Variants in ALMS1 observed in about 807,000 individuals in gnomAD.
The protein encoded by ALMS1 is ALMS1 centrosome and basal body associated protein.
ALMS1 carries 271 observed loss-of-function variants against 352.2 expected under a neutral mutation model. The observed-to-expected ratio is 0.77, with a 90% CI of 0.70 to 0.85. ALMS1 has a LOEUF of 0.85. ALMS1 is among the 40% of genes least tolerant of loss of function. The probability of loss-of-function intolerance (pLI) is 0.00; values close to 1 mark genes in which losing one functional copy is unlikely to be tolerated. For synonymous variants in ALMS1, 1,865 were observed against 1,761.2 expected (o/e 1.06, Z -1.48); for missense variants, 5,445 against 4,870.7 (o/e 1.12, Z -3.51).
At chr2:73,534,712 C>G in intron 11 of ALMS1, 112 bp from the exon 12 acceptor site, 1 of 1,135,994 alleles carries the variant, frequency 8.8e-7, no homozygotes, top group Non-Finnish European at 1.3e-6. Context: ...TTTGTTTACT[C>G]ATAAATTCCA....
chr2:73,503,490 G>T (rs1194457837), intron 10 of ALMS1, among the ~76,000 whole-genome samples: 1 of 152,084 alleles, frequency 6.6e-6, no homozygotes, highest in Admixed American at 6.6e-5. Context: ...TCTTAATCCA[G>T]TCTATCGTTG....
Position 73,490,567 on chromosome 2 carries a change from G to T in ALMS1, c.8608G>T (p.Val2870Leu). Residue 2870 changes from valine (V) to leucine (L), a missense_variant, in exon 10 of 23, where the codon GTA (valine) becomes TTA (leucine). Physicochemically the swap from Val to Leu is conservative, Grantham distance 32. Transcript: ENST00000613296. ...SSRLGVKEKN[V>L]TITPDLPSCI... ...CAGACTAGGAGTAAAAGAGAAGAAT[G>T]TAACTATAACTCCAGATCTTCCTTC... The T allele has an allele frequency of 1.9e-6, 3 of 1,614,140 alleles. No individual in the cohort carries two copies. Among genetic ancestry groups the T allele is most frequent in the African/African-American group, 1.3e-5 (1 of 75,038 alleles).
At chr2:73,390,580 G>C (rs1304247412) in intron 1 of ALMS1, among the ~76,000 whole-genome samples, 2 of 152,128 alleles carry the variant, frequency 1.3e-5, no homozygotes, top group Non-Finnish European at 2.9e-5. Flanking sequence ...TTTTAAGAGG[G>C]AAGTGAGTGA....
chr2:73,496,343 G>A (rs1371795904), intron 10 of ALMS1, among the ~76,000 whole-genome samples: 2 of 152,178 alleles, frequency 1.3e-5, no homozygotes, highest in Non-Finnish European at 2.9e-5. Flanking sequence ...CATAAAATAT[G>A]TAACAGCCTT....
chr2:73,586,659 A>G (rs1235197875), intron 16 of ALMS1, among the ~76,000 whole-genome samples: 1 of 152,132 alleles, frequency 6.6e-6, no homozygotes, highest in African/African-American at 2.4e-5. Context: ...CCCTTGTAGT[A>G]TAGTTTGAAG....
Position 73,448,791 on chromosome 2 carries a change from A to G in ALMS1, c.2264A>G (p.Glu755Gly), listed in dbSNP as rs867012463. The change falls in exon 8 of 23, where the codon GAG becomes GGG. Residue 755 changes from glutamate to glycine, a missense_variant. Glu to Gly is a moderately conservative substitution (Grantham distance 98). Coordinates refer to ENST00000613296, the MANE Select transcript of ALMS1 (RefSeq NM_001378454.1). ...CCTGGACCAGCTGACCAGAAGACTGAGATACCAGCAGTACAGTCTAGTTCT... is the reference window on the plus strand; with the variant it reads ...CCTGGACCAGCTGACCAGAAGACTGGGATACCAGCAGTACAGTCTAGTTCT... ...ATPGPADQKT[E>G]IPAVQSSSYS... 6.2e-7 allele frequency: 1 copy of G among 1,613,854 alleles called. No homozygotes were observed. Among genetic ancestry groups the G allele is most frequent in the East Asian group, 2.2e-5 (1 of 44,862 alleles).
intron 5 of ALMS1, among the ~76,000 whole-genome samples, chr2:73,426,084 A>T (rs899347803): frequency 6.6e-6 from 1 of 152,226 alleles, no homozygotes; most frequent in Admixed American, 6.5e-5. Context: ...AGAAGGTAGG[A>T]TCTTCAGATG....
chr2:73,418,317 A>G (rs747400809), intron 2 of ALMS1, among the ~76,000 whole-genome samples: 1 of 152,196 alleles, frequency 6.6e-6, no homozygotes, highest in Non-Finnish European at 1.5e-5. Flanking sequence ...GTGATATGAT[A>G]ATGTTATATA....
intron 2 of ALMS1, among the ~76,000 whole-genome samples, chr2:73,411,561 C>T (rs555248699): frequency 2.0e-5 from 3 of 152,136 alleles, no homozygotes; most frequent in South Asian, 2.1e-4. Context: ...TCACACAATA[C>T]GAACCATGAT....
chr2:73,447,360 T>G (rs374781798), intron 7 of ALMS1, among the ~76,000 whole-genome samples: 1 of 152,162 alleles, frequency 6.6e-6, no homozygotes, highest in Non-Finnish European at 1.5e-5. Flanking sequence ...TTAAAACTCT[T>G]CAGAGTAACC....
intron 1 of ALMS1, among the ~76,000 whole-genome samples, chr2:73,390,475 A>T (rs1477167179): frequency 6.6e-6 from 1 of 152,258 alleles, no homozygotes; most frequent in Admixed American, 6.5e-5. Context: ...TATATAAGGC[A>T]GTGATTAAGT....
chr2:73,466,605 A>G (rs1335499951), intron 9 of ALMS1, among the ~76,000 whole-genome samples: 1 of 152,122 alleles, frequency 6.6e-6, no homozygotes, highest in African/African-American at 2.4e-5. Context: ...ACAAACCTGC[A>G]CATTGTGCAC....
At position 73,424,431 on chromosome 2, in the gene ALMS1, G is replaced by A; in HGVS notation, c.766G>A (p.Gly256Arg). 1 of 1,539,930 alleles carries A rather than the reference G, an allele frequency of 6.5e-7. No homozygotes were observed. The highest frequency in any genetic ancestry group is 8.7e-7 in the Non-Finnish European group (1 of 1,143,440). ...QSELSFAPLR[G>R]IPDKSEDTEW... is the part of the protein sequence containing the mutation. ...TTATTTTTAACTATATATTTTCAGG[G>A]GAATTCCTGATAAGTCTGAAGATAC... The change falls in exon 5 of 23, where the codon GGA (glycine) becomes AGA (arginine). Residue 256 changes from glycine (G) to arginine (R), a missense_variant and splice_region_variant. Transcript: ENST00000613296.
intron 9 of ALMS1, among the ~76,000 whole-genome samples, chr2:73,477,754 A>T (rs1265049258): frequency 1.3e-5 from 2 of 151,982 alleles, no homozygotes; most frequent in African/African-American, 4.8e-5. Context: ...ATTTTTTTTA[A>T]AAATTTATTT....
intron 12 of ALMS1, among the ~76,000 whole-genome samples, chr2:73,538,890 C>T (rs928151433): frequency 5.3e-5 from 8 of 152,190 alleles, no homozygotes; most frequent in Non-Finnish European, 8.8e-5. Flanking sequence ...GGCCGGGAAG[C>T]TCGAACTGGG....
At chr2:73,567,428 G>A (rs1344440339) in intron 15 of ALMS1, among the ~76,000 whole-genome samples, 1 of 152,132 alleles carries the variant, frequency 6.6e-6, no homozygotes, top group Non-Finnish European at 1.5e-5. Flanking sequence ...GAAATTACAA[G>A]AGTTTTAGTA....
intron 9 of ALMS1, among the ~76,000 whole-genome samples, chr2:73,486,034 T>C (rs1424621333): frequency 6.6e-6 from 1 of 152,012 alleles, no homozygotes; most frequent in Non-Finnish European, 1.5e-5. Context: ...CACCGTCTTC[T>C]GCGTGGCTCA....
At chr2:73,476,702 C>T (rs1484615079) in intron 9 of ALMS1, among the ~76,000 whole-genome samples, 1 of 151,664 alleles carries the variant, frequency 6.6e-6, no homozygotes, top group Non-Finnish European at 1.5e-5. Context: ...TTTTGGTTGG[C>T]CAGTTGTATA....
intron 3 of ALMS1, among the ~76,000 whole-genome samples, chr2:73,422,336 CAT>C (rs1310301204): frequency 6.6e-6 from 1 of 152,030 alleles, no homozygotes; most frequent in Non-Finnish European, 1.5e-5. Context: ...GTGAATAAGG[CAT>C]ATGATATCTT....
Sources: allele counts gnomAD v4.1 joint callset (sites outside exome capture counted in the v4.1 genomes callset), GRCh38; gene constraint gnomAD v4.1.1; transcripts MANE v1.5; gene names NCBI Gene and HGNC (gene_info 2026-07-23, HGNC 2026-07-21).